The following SGCZ variants were observed in gnomAD, a reference collection of about 807,000 sequenced individuals.
SGCZ encodes zeta-sarcoglycan.
Under a neutral mutation model 41.3 loss-of-function variants are expected in SGCZ, and 40 were observed. The ratio of observed to expected loss-of-function variants is 0.97; its 90% CI spans 0.75 to 1.26. SGCZ has a LOEUF of 1.26. Ranked by LOEUF, SGCZ falls within the 50% of genes most tolerant of loss-of-function variation. The pLI is 0.00. For synonymous variants in SGCZ, 206 were observed against 137.5 expected, an observed-to-expected ratio of 1.50 and a Z score of -3.49; for missense variants, 552 against 369.8, an observed-to-expected ratio of 1.49 and a Z score of -4.04.
chr8:14,856,804 G>C (rs151044686), intron 1 of SGCZ, among the ~76,000 whole-genome samples: 1 of 152,094 alleles, frequency 6.6e-6, no homozygotes, highest in Non-Finnish European at 1.5e-5. Context: ...AGGGAAAGAG[G>C]TTAATTAAAT....
intron 3 of SGCZ, among the ~76,000 whole-genome samples, chr8:14,281,625 G>A (rs980795206): frequency 2.0e-5 from 3 of 151,846 alleles, no homozygotes; most frequent in Non-Finnish European, 2.9e-5. Flanking sequence ...CTATGTAAAC[G>A]GAAATAACAT....
rs572491775 is a variant in SGCZ, at chr8:14,649,791, G to C, written c.40-94865C>G. Among the ~76,000 whole-genome samples the C allele has an allele frequency of 2.0e-5, 3 of 152,004 alleles. No homozygotes were observed. The South Asian group carries it at 6.2e-4, about 32-fold the overall frequency. On this transcript the variant is annotated intron_variant, in intron 1 of 7. Coordinates refer to ENST00000382080, the MANE Select transcript of SGCZ (RefSeq NM_139167.4). ...TCTTTTCCAGAAGGAAAGATGACCA[G>C]CACAGGAATAAATTGTACTTCCACC... is the stretch of plus-strand genomic sequence containing the variant.
intron 1 of SGCZ, among the ~76,000 whole-genome samples, chr8:14,905,062 T>C (rs955186112): frequency 6.6e-6 from 1 of 152,000 alleles, no homozygotes; most frequent in African/African-American, 2.4e-5. Flanking sequence ...AAATATTTCT[T>C]GACACTACCC....
At chr8:14,591,982 C>T (rs1209967531) in intron 1 of SGCZ, among the ~76,000 whole-genome samples, 2 of 152,062 alleles carry the variant, frequency 1.3e-5, no homozygotes, top group Non-Finnish European at 2.9e-5. Flanking sequence ...CAATAGTAAA[C>T]AGTTATTGGA....
At chr8:14,696,752 T>C (rs10503513) in intron 1 of SGCZ, among the ~76,000 whole-genome samples, 13,089 of 151,092 alleles carry the variant, frequency 0.087, 700 homozygotes, top group South Asian at 0.12. Context: ...ATCAGTAACA[T>C]GTGGCGTTCA....
At chr8:14,979,977 T>C (rs1262351039) in intron 1 of SGCZ, among the ~76,000 whole-genome samples, 2 of 152,236 alleles carry the variant, frequency 1.3e-5, no homozygotes, top group African/African-American at 4.8e-5. Context: ...GGAATCATGC[T>C]TAAAATTATT....
intron 4 of SGCZ, among the ~76,000 whole-genome samples, chr8:14,185,092 G>A (rs1048187937): frequency 1.1e-4 from 17 of 151,982 alleles, no homozygotes; most frequent in African/African-American, 3.4e-4. Context: ...ATTTTTCCAC[G>A]TCAAGCATTC....
At chr8:15,102,358 G>A (rs935673769) in intron 1 of SGCZ, among the ~76,000 whole-genome samples, 38 of 152,162 alleles carry the variant, frequency 2.5e-4, no homozygotes, top group African/African-American at 8.9e-4. Flanking sequence ...GTTGCTAGGG[G>A]TTGAGGGGTG....
intron 1 of SGCZ, among the ~76,000 whole-genome samples, chr8:15,153,337 A>T (rs1174581799): frequency 6.6e-6 from 1 of 152,172 alleles, no homozygotes; most frequent in Non-Finnish European, 1.5e-5. Context: ...GTCCATGTTG[A>T]AGCCAAAGTG....
At chr8:14,663,279 G>C (rs1807813050) in intron 1 of SGCZ, among the ~76,000 whole-genome samples, 1 of 152,048 alleles carries the variant, frequency 6.6e-6, no homozygotes, top group Non-Finnish European at 1.5e-5. Flanking sequence ...CACATTATTA[G>C]CATCCCATAA....
chr8:14,621,391 C>G (rs1186700781), intron 1 of SGCZ, among the ~76,000 whole-genome samples: 2 of 151,164 alleles, frequency 1.3e-5, no homozygotes, highest in Non-Finnish European at 2.9e-5. Flanking sequence ...ACATATGTAA[C>G]AAACCTGCAC....
chr8:14,087,728 T>TG lies in SGCZ; in HGVS notation c.*2714dup, dbSNP rs1489634744. 2.0e-4 allele frequency among the ~76,000 whole-genome samples: 29 copies of TG among 143,894 alleles called. No homozygotes were observed. The highest frequency in any genetic ancestry group is 7.4e-4 in the African/African-American group (28 of 37,636). The allele number at this position is 143,894 out of a possible 152,430, so 94.4% of individuals were successfully genotyped here. A position where few individuals can be genotyped will look rare whatever the true frequency, so the allele number is the denominator to read the frequency against. On this transcript the variant is annotated 3_prime_UTR_variant, in exon 8 of 8. Transcript: ENST00000382080. ...CACTATATTTTTAAAAAAAAAAAAA[T>TG]GCTTTTTTGTGTTTGAATGTGGAAA...
intron 1 of SGCZ, among the ~76,000 whole-genome samples, chr8:15,231,885 G>A (rs917503109): frequency 1.3e-5 from 2 of 152,120 alleles, no homozygotes; most frequent in South Asian, 2.1e-4. Flanking sequence ...GCCTTCCAAA[G>A]TGTTGGGATT....
At chr8:14,870,416 A>G (rs1804106360) in intron 1 of SGCZ, among the ~76,000 whole-genome samples, 2 of 152,122 alleles carry the variant, frequency 1.3e-5, no homozygotes, top group South Asian at 4.1e-4. Context: ...CCTTTCTTAC[A>G]CCTTATATAA....
chr8:14,649,622 A>G (rs540512989), intron 1 of SGCZ, among the ~76,000 whole-genome samples: 9 of 152,186 alleles, frequency 5.9e-5, no homozygotes, highest in African/African-American at 1.9e-4. Context: ...CTAACTGTCG[A>G]AAGCTCAGCT....
At chr8:14,387,931 A>G (rs1180157289) in intron 2 of SGCZ, among the ~76,000 whole-genome samples, 1 of 152,138 alleles carries the variant, frequency 6.6e-6, no homozygotes, top group Non-Finnish European at 1.5e-5. Context: ...AAGTGGAATG[A>G]AAGAAATGGA....
chr8:15,028,493 TA>T (rs1803537738), intron 1 of SGCZ, among the ~76,000 whole-genome samples: 1 of 148,276 alleles, frequency 6.7e-6, no homozygotes, highest in Admixed American at 6.8e-5. Context: ...GTCAGTTTCA[TA>T]AGGAACACTA....
At chr8:14,573,589 T>A (rs1029062902) in intron 1 of SGCZ, among the ~76,000 whole-genome samples, 3 of 152,338 alleles carry the variant, frequency 2.0e-5, no homozygotes, top group Admixed American at 2.0e-4. Flanking sequence ...AGTATCTTTC[T>A]ACTTGGATTA....
At chr8:14,464,924 C>A (rs2116962562) in intron 2 of SGCZ, among the ~76,000 whole-genome samples, 1 of 151,552 alleles carries the variant, frequency 6.6e-6, no homozygotes, top group South Asian at 2.1e-4. Context: ...AATTTAATGC[C>A]ATTGTGGTTG....
Sources: allele counts gnomAD v4.1 joint callset (sites outside exome capture counted in the v4.1 genomes callset), GRCh38; gene constraint gnomAD v4.1.1; transcripts MANE v1.5; gene names NCBI Gene and HGNC (gene_info 2026-07-23, HGNC 2026-07-21).